BUD13: variants seen among roughly 807,000 people sequenced by gnomAD.
BUD13 encodes the protein BUD13 homolog.
Under a neutral mutation model 62.5 loss-of-function variants are expected in BUD13, and 47 were observed. The ratio of observed to expected loss-of-function variants is 0.75; its 90% CI spans 0.60 to 0.96. BUD13 has a LOEUF of 0.96. Among genes scored for constraint, BUD13 ranks in the 40% least tolerant of loss-of-function variants. The pLI, the probability that BUD13 is intolerant of heterozygous loss-of-function variation, is 0.00. For synonymous variants in BUD13, 293 were observed against 280.1 expected, an observed-to-expected ratio of 1.05 and a Z score of -0.46; for missense variants, 821 against 790.9, an observed-to-expected ratio of 1.04 and a Z score of -0.46.
chr11:116,760,734 CCTT>C lies in BUD13; in HGVS notation c.1252_1254del (p.Lys418del). On this transcript the variant is annotated inframe_deletion and splice_region_variant, in exon 5 of 10. Coordinates refer to ENST00000260210, the MANE Select transcript of BUD13 (RefSeq NM_032725.4). ...AGGACATGGCTCCTGAAAATCCTGA[CCTT>C]CTTTCCAGGAGGCTGACTCCTTCGA... 1.2e-6 allele frequency: 2 copies of C among 1,614,102 alleles called. No individual in the cohort carries two copies. Among genetic ancestry groups the C allele is most frequent in the South Asian group, 2.2e-5 (2 of 91,074 alleles).
At chr11:116,768,859 CA>C (rs1468590050) in intron 2 of BUD13, among the ~76,000 whole-genome samples, 1 of 151,216 alleles carries the variant, frequency 6.6e-6, no homozygotes, top group Non-Finnish European at 1.5e-5. Flanking sequence ...AAAAAAAACA[CA>C]AAAAATTAGC....
chr11:116,768,740 A>T (rs1355815435), intron 2 of BUD13, among the ~76,000 whole-genome samples: 1 of 152,120 alleles, frequency 6.6e-6, no homozygotes, highest in Non-Finnish European at 1.5e-5. Flanking sequence ...GCAGTGGCTC[A>T]CACATGTAAT....
At chr11:116,766,760 T>C (rs1793273395) in intron 2 of BUD13, among the ~76,000 whole-genome samples, 1 of 152,228 alleles carries the variant, frequency 6.6e-6, no homozygotes, top group Non-Finnish European at 1.5e-5. Flanking sequence ...CCATTATTAC[T>C]GGTGGTGGTG....
rs935376348 is a variant in BUD13, at chr11:116,758,374, T to C, written c.1394A>G (p.Asp465Gly). ...EFQYAETVFR[D>G]KSGRKRNLKL... ...CAAATTCCTCTTACGACCAGACTTA[T>C]CTCGAAATACGGTTTCAGCATATTG... Residue 465 changes from aspartate to glycine, a missense_variant, in exon 7 of 10, where the codon GAT becomes GGT. Asp to Gly is a moderately conservative substitution (Grantham distance 94). Coordinates refer to ENST00000260210, the MANE Select transcript of BUD13 (RefSeq NM_032725.4). 2.5e-6 allele frequency: 4 copies of C among 1,614,150 alleles called. No homozygotes were observed. The highest frequency in any genetic ancestry group is 1.7e-5 in the Admixed American group (1 of 60,002).
chr11:116,761,566 A>C (rs1940432551), intron 4 of BUD13, among the ~76,000 whole-genome samples: 1 of 152,122 alleles, frequency 6.6e-6, no homozygotes, highest in Non-Finnish European at 1.5e-5. Context: ...TGGTGTGTAA[A>C]ATCTCCACAC....
At chr11:116,770,568 C>T (rs541839142) in intron 1 of BUD13, among the ~76,000 whole-genome samples, 1 of 151,556 alleles carries the variant, frequency 6.6e-6, no homozygotes, top group African/African-American at 2.4e-5. Flanking sequence ...GATCTCAGCT[C>T]ACTGCAAGCT....
intron 9 of BUD13, among the ~76,000 whole-genome samples, chr11:116,755,735 T>A (rs1045134579): frequency 2.0e-4 from 30 of 152,250 alleles, no homozygotes; most frequent in Admixed American, 4.6e-4. Context: ...CTTCTGTTTT[T>A]TCACTTGGAA....
chr11:116,748,797 CTAATATGG>C (rs1940183839), intron 9 of BUD13, among the ~76,000 whole-genome samples: 1 of 152,022 alleles, frequency 6.6e-6, no homozygotes, highest in Admixed American at 6.5e-5. Flanking sequence ...ACCAGCCTGC[CTAATATGG>C]TGAAACCCTG....
intron 2 of BUD13, among the ~76,000 whole-genome samples, chr11:116,769,014 C>CAAAA (rs34626460): frequency 3.1e-4 from 28 of 90,148 alleles, no homozygotes; most frequent in East Asian, 6.9e-4. Flanking sequence ...GACTCCGTCT[C>CAAAA]AAAAAAAAAA....
chr11:116,761,875 C>G (rs571963904), intron 4 of BUD13, among the ~76,000 whole-genome samples: 1 of 152,182 alleles, frequency 6.6e-6, no homozygotes, highest in African/African-American at 2.4e-5. Context: ...TGACCCAGTA[C>G]ATCAACTTCT....
At chr11:116,767,520 G>A (rs1266930507) in intron 2 of BUD13, among the ~76,000 whole-genome samples, 1 of 149,194 alleles carries the variant, frequency 6.7e-6, no homozygotes, top group Non-Finnish European at 1.5e-5. Context: ...GTGAACCCGG[G>A]AGGCGGAGCT....
intron 4 of BUD13, 95 bp downstream of exon 4, chr11:116,762,458 G>T (rs1285440755): frequency 3.6e-6 from 4 of 1,116,962 alleles, no homozygotes; most frequent in Non-Finnish European, 3.8e-6. Flanking sequence ...CTTTCCCAAA[G>T]AAATTCCATT....
intron 3 of BUD13, among the ~76,000 whole-genome samples, chr11:116,764,405 C>G (rs939886720): frequency 6.6e-6 from 1 of 152,126 alleles, no homozygotes; most frequent in African/African-American, 2.4e-5. Flanking sequence ...AACAGTAAAT[C>G]TGAAGGAAGC....
chr11:116,750,032 T>C (rs543295328), intron 9 of BUD13, among the ~76,000 whole-genome samples: 29 of 152,256 alleles, frequency 1.9e-4, no homozygotes, highest in Middle Eastern at 3.4e-3. Flanking sequence ...TCTAAATCAA[T>C]AGAGAAATCC....
intron 3 of BUD13, among the ~76,000 whole-genome samples, chr11:116,763,790 G>A (rs116589617): frequency 3.4e-4 from 51 of 152,196 alleles, no homozygotes; most frequent in Admixed American, 1.2e-3. Flanking sequence ...TGACTAAAAC[G>A]GTGAATATCA....
In BUD13 at chr11:116,759,124, C is replaced by T. The variant is rs776700062; in HGVS notation, c.1310G>A (p.Arg437Gln). 45 of 1,613,924 alleles carry T rather than the reference C, an allele frequency of 2.8e-5. No individual in the cohort carries two copies. Among genetic ancestry groups the T allele is most frequent in the Admixed American group, 1.3e-4 (8 of 59,994 alleles). The change falls in exon 6 of 10, where the codon CGA becomes CAA. Residue 437 changes from arginine to glutamine, a missense_variant. Physicochemically the swap from Arg to Gln is conservative, Grantham distance 43. This residue lies in a region of BUD13 where 800 missense variants were observed against 739.2 expected (regional missense o/e 1.08). Coordinates refer to ENST00000260210, the MANE Select transcript of BUD13 (RefSeq NM_032725.4). ...CTGTTCCTTGAGCTCCTGCTGTTCTCGCTGTATGTCAGTTAACACCAACCC... is the reference window on the plus strand; with the variant it reads ...CTGTTCCTTGAGCTCCTGCTGTTCTTGCTGTATGTCAGTTAACACCAACCC... Reference protein sequence around the residue: ...KTGLVLTDIQREQQELKEQDQ... With the variant: ...KTGLVLTDIQQEQQELKEQDQ...
chr11:116,758,185 TA>T lies in BUD13; in HGVS notation c.1499+83del. ...ACTGATAACAGCTCTGAAGGCATAA[TA>T]AGAAAGTGAGTGATCAGAAGAGCAG... On this transcript the variant is annotated intron_variant, in intron 7 of 9. Coordinates refer to ENST00000260210, the MANE Select transcript of BUD13 (RefSeq NM_032725.4). 3 of 1,566,448 alleles carry T rather than the reference TA, an allele frequency of 1.9e-6. No homozygotes were observed. The South Asian group carries it at 3.6e-5, about 19-fold the overall frequency.
At chr11:116,757,743 C>A in intron 8 of BUD13, 23 bp downstream of exon 8, 1 of 1,598,604 alleles carries the variant, frequency 6.3e-7, no homozygotes, top group East Asian at 2.2e-5. Context: ...TCACCTCCAG[C>A]TGATGATTCC....
chr11:116,767,187 C>CA (rs11341725), intron 2 of BUD13, among the ~76,000 whole-genome samples: 131 of 130,768 alleles, frequency 1.0e-3, no homozygotes, highest in African/African-American at 2.1e-3. Flanking sequence ...GAATATGTCT[C>CA]AAAAAAAAAA....
Sources: gnomAD v4.1 joint callset for allele counts (sites outside exome capture counted in the v4.1 genomes callset) on GRCh38, gnomAD v4.1.1 for gene constraint, gnomAD v4.1.1 regional missense constraint, MANE v1.5 for transcripts, NCBI Gene and HGNC (gene_info 2026-07-23, HGNC 2026-07-21) for gene names.